The following CPEB3 variants were observed in gnomAD, a reference collection of about 807,000 sequenced individuals.
CPEB3 encodes the protein cytoplasmic polyadenylation element-binding protein 3.
In CPEB3, 20 loss-of-function variants were observed where a neutral mutation model predicts 67.2. The observed-to-expected ratio is 0.30, with a 90% CI of 0.21 to 0.43. The LOEUF (loss-of-function observed/expected upper bound fraction) is 0.43. CPEB3 is among the 20% of genes least tolerant of loss of function. The pLI, the probability that CPEB3 is intolerant of heterozygous loss-of-function variation, is 1.00. For missense variants in CPEB3, 746 were observed against 968.6 expected, an observed-to-expected ratio of 0.77 and a Z score of 3.05; for synonymous variants, 376 against 393.1, an observed-to-expected ratio of 0.96 and a Z score of 0.51.
chr10:92,223,937 C>T (rs1427142942), intron 2 of CPEB3, among the ~76,000 whole-genome samples: 2 of 151,978 alleles, frequency 1.3e-5, no homozygotes, highest in South Asian at 2.1e-4. Context: ...TTAGTAGAGA[C>T]GGGGTTTCAC....
chr10:92,258,789 C>G (rs971276889), intron 1 of CPEB3, among the ~76,000 whole-genome samples: 2 of 150,434 alleles, frequency 1.3e-5, no homozygotes, highest in African/African-American at 4.9e-5. Context: ...TCCTGAGTAG[C>G]TGGAACTACA....
intron 4 of CPEB3, among the ~76,000 whole-genome samples, chr10:92,165,474 G>T (rs1209311120): frequency 6.8e-5 from 10 of 147,014 alleles, no homozygotes; most frequent in African/African-American, 2.5e-4. Flanking sequence ...GATCAGAGTG[G>T]TGGTTGCTGA....
chr10:92,098,770 C>CTTTTTTTTTTTTTTTTT (rs984013045), intron 7 of CPEB3, among the ~76,000 whole-genome samples: 7 of 124,554 alleles, frequency 5.6e-5, no homozygotes, highest in African/African-American at 9.5e-5. Context: ...TTCTTTTTTT[C>CTTTTTTTTTTTTTTTTT]TTTTTTTTTT....
intron 3 of CPEB3, among the ~76,000 whole-genome samples, chr10:92,189,834 G>T (rs1848877721): frequency 2.3e-4 from 1 of 4,274 alleles, no homozygotes; most frequent in Non-Finnish European, 3.2e-4. Context: ...TGCCTCCAGT[G>T]ATTTTTTTTT....
intron 4 of CPEB3, among the ~76,000 whole-genome samples, chr10:92,176,829 A>G (rs1848240696): frequency 6.6e-6 from 1 of 152,246 alleles, no homozygotes; most frequent in Admixed American, 6.5e-5. Context: ...CACGAATGCT[A>G]AACCAACTCT....
intron 1 of CPEB3, among the ~76,000 whole-genome samples, chr10:92,288,664 A>G (rs1372587897): frequency 6.6e-6 from 1 of 152,212 alleles, no homozygotes; most frequent in Non-Finnish European, 1.5e-5. Flanking sequence ...AAAAATGCAA[A>G]CATAAAATCC....
chr10:92,116,012 A>G (rs1246159472), intron 6 of CPEB3, among the ~76,000 whole-genome samples: 1 of 151,462 alleles, frequency 6.6e-6, no homozygotes, highest in Non-Finnish European at 1.5e-5. Context: ...CTTGTATCTG[A>G]GATCAGTGAT....
intron 4 of CPEB3, among the ~76,000 whole-genome samples, chr10:92,169,150 T>C (rs982351709): frequency 3.4e-4 from 51 of 149,868 alleles, no homozygotes; most frequent in Non-Finnish European, 6.2e-4. Context: ...TGTTGTTTTT[T>C]TTTTTGAGAT....
intron 4 of CPEB3, among the ~76,000 whole-genome samples, chr10:92,150,256 C>CTT (rs1191378027): frequency 6.9e-6 from 1 of 144,274 alleles, no homozygotes; most frequent in African/African-American, 2.5e-5. Flanking sequence ...CTCTCTCTCT[C>CTT]TTTTTTTTTT....
At chr10:92,276,404 G>A (rs1227413976) in intron 1 of CPEB3, among the ~76,000 whole-genome samples, 3 of 149,500 alleles carry the variant, frequency 2.0e-5, no homozygotes, top group Non-Finnish European at 4.4e-5. Flanking sequence ...TCAGCCTCCT[G>A]AGTAGCTGGG....
intron 2 of CPEB3, among the ~76,000 whole-genome samples, chr10:92,220,146 G>A (rs1054303947): frequency 5.3e-5 from 8 of 150,992 alleles, no homozygotes; most frequent in East Asian, 1.9e-4. Context: ...TAAAGATTCC[G>A]TCTCAAAAAA....
intron 4 of CPEB3, among the ~76,000 whole-genome samples, chr10:92,148,186 C>G (rs1846781296): frequency 6.6e-6 from 1 of 152,156 alleles, no homozygotes; most frequent in Non-Finnish European, 1.5e-5. Context: ...AGTACAAAAA[C>G]ATAACTGTGA....
intron 1 of CPEB3, among the ~76,000 whole-genome samples, chr10:92,276,510 C>G (rs1266882892): frequency 6.6e-6 from 1 of 151,704 alleles, no homozygotes; most frequent in East Asian, 1.9e-4. Flanking sequence ...AACTCCTGAC[C>G]TCAAGTGATC....
At chr10:92,087,434 C>T (rs892559332) in intron 8 of CPEB3, among the ~76,000 whole-genome samples, 2 of 152,182 alleles carry the variant, frequency 1.3e-5, no homozygotes, top group African/African-American at 4.8e-5. Flanking sequence ...CAGATGAGCA[C>T]TCTCTCAAGA....
At chr10:92,077,472 T>C (rs991377042) in intron 9 of CPEB3, among the ~76,000 whole-genome samples, 3 of 152,222 alleles carry the variant, frequency 2.0e-5, no homozygotes, top group African/African-American at 4.8e-5. Flanking sequence ...AGAAAGGATG[T>C]TGGGCCGAGC....
chr10:92,178,950 C>CGTAT (rs1479063950), intron 4 of CPEB3, among the ~76,000 whole-genome samples: 1 of 151,846 alleles, frequency 6.6e-6, no homozygotes, highest in African/African-American at 2.4e-5. Flanking sequence ...TCTGGTTGTT[C>CGTAT]GTATGGTTTA....
At chr10:92,094,596 C>A (rs1457368000) in intron 7 of CPEB3, among the ~76,000 whole-genome samples, 5 of 150,920 alleles carry the variant, frequency 3.3e-5, no homozygotes, top group African/African-American at 9.7e-5. Context: ...AGCGAAACTC[C>A]CTTTCAAAAA....
intron 1 of CPEB3, among the ~76,000 whole-genome samples, chr10:92,264,592 T>C (rs894138969): frequency 6.6e-6 from 1 of 152,034 alleles, no homozygotes; most frequent in Non-Finnish European, 1.5e-5. Context: ...GGCGCAAGCC[T>C]GTAATCTCAG....
intron 8 of CPEB3, among the ~76,000 whole-genome samples, chr10:92,089,821 T>C (rs1356753079): frequency 6.6e-6 from 1 of 152,140 alleles, no homozygotes; most frequent in Non-Finnish European, 1.5e-5. Flanking sequence ...AGGTATAATA[T>C]AGTATCTAGT....
Sources: allele counts gnomAD v4.1 joint callset (sites outside exome capture counted in the v4.1 genomes callset), GRCh38; gene constraint gnomAD v4.1.1; transcripts MANE v1.5; gene names NCBI Gene and HGNC (gene_info 2026-07-23, HGNC 2026-07-21).